Variants in SP140 observed in about 807,000 individuals in gnomAD.
The protein encoded by SP140 is SP140 nuclear body protein, also known as nuclear body protein SP140.
In SP140, 81 loss-of-function variants were observed where a neutral mutation model predicts 125.0. The observed-to-expected ratio is 0.65, with a 90% CI of 0.54 to 0.78. SP140 has a LOEUF of 0.78. SP140 is among the 30% of genes least tolerant of loss of function. SP140 has a pLI of 0.00. For missense variants in SP140, 858 were observed against 1,037.0 expected (o/e 0.83, Z 2.37); for synonymous variants, 312 against 354.0 (o/e 0.88, Z 1.33).
At chr2:230,212,667 G>A in intron 1 of SP140, 1 of 1,495,092 alleles carries the variant, frequency 6.7e-7, no homozygotes, top group Non-Finnish European at 9.3e-7. Flanking sequence ...GAAGAACTAG[G>A]ACAATAAAAG....
At chr2:230,283,104 G>A (rs193228809) in intron 15 of SP140, among the ~76,000 whole-genome samples, 1 of 152,302 alleles carries the variant, frequency 6.6e-6, no homozygotes, top group East Asian at 1.9e-4. Context: ...GCTGGGCCCA[G>A]CCCCTGCCAT....
the SP140 span, among the ~76,000 whole-genome samples, chr2:230,193,251 GT>G: frequency 6.6e-6 from 1 of 152,130 alleles, no homozygotes; most frequent in Admixed American, 6.5e-5. Context: ...GTCCTTGTGT[GT>G]TAAGTGAGTC....
intron 10 of SP140, among the ~76,000 whole-genome samples, chr2:230,251,372 C>T (rs1328599441): frequency 2.0e-5 from 3 of 152,100 alleles, no homozygotes; most frequent in African/African-American, 7.2e-5. Context: ...CCTATTAATA[C>T]TGAAGCATTA....
intron 5 of SP140, 94 bp downstream of exon 5, chr2:230,243,905 A>T: frequency 2.4e-6 from 2 of 826,148 alleles, no homozygotes; most frequent in Admixed American, 2.0e-5. Context: ...CTCTGAGTAC[A>T]TGCCACAGGC....
intron 21 of SP140, among the ~76,000 whole-genome samples, chr2:230,294,862 CA>C (rs894314964): frequency 2.6e-5 from 4 of 152,114 alleles, no homozygotes; most frequent in African/African-American, 9.7e-5. Flanking sequence ...TTTCACCTTC[CA>C]AAAAAATGTA....
chr2:230,269,770 C>T, intron 13 of SP140, 67 bp from the exon 14 acceptor site: 1 of 1,291,792 alleles, frequency 7.7e-7, no homozygotes, highest in Non-Finnish European at 1.1e-6. Context: ...GGGGGAGCAA[C>T]AAGGGTGCAG....
At chr2:230,293,615 C>T (rs940353054) in intron 20 of SP140, among the ~76,000 whole-genome samples, 2 of 151,850 alleles carry the variant, frequency 1.3e-5, no homozygotes, top group East Asian at 1.9e-4. Context: ...GGGTTACAGG[C>T]GACAGCCACC....
At chr2:230,273,945 C>T (rs2054324090) in intron 15 of SP140, among the ~76,000 whole-genome samples, 1 of 151,902 alleles carries the variant, frequency 6.6e-6, no homozygotes, top group South Asian at 2.1e-4. Flanking sequence ...TGAAGCCTAT[C>T]AGAAGGTTCA....
At chr2:230,224,288 G>A (rs1574840349), upstream of SP140, among the ~76,000 whole-genome samples, 1 of 152,180 alleles carries the variant, frequency 6.6e-6, no homozygotes, top group South Asian at 2.1e-4. Context: ...ACTGCCTAAG[G>A]GCAGAGAGAA....
At chr2:230,230,786 T>A (rs2047127201) in intron 1 of SP140, among the ~76,000 whole-genome samples, 1 of 152,210 alleles carries the variant, frequency 6.6e-6, no homozygotes, top group Admixed American at 6.5e-5. Context: ...TGTGGTTTGT[T>A]GTCTGTCATT....
intron 22 of SP140, among the ~76,000 whole-genome samples, chr2:230,309,623 G>A (rs546898465): frequency 1.1e-4 from 17 of 152,316 alleles, no homozygotes; most frequent in African/African-American, 3.6e-4. Flanking sequence ...GCAGAATAAG[G>A]AAATTATTCA....
At chr2:230,305,384 T>C (rs1367251454) in intron 22 of SP140, among the ~76,000 whole-genome samples, 1 of 152,248 alleles carries the variant, frequency 6.6e-6, no homozygotes, top group Non-Finnish European at 1.5e-5. Context: ...TACCATTTCA[T>C]CCAGCAATCC....
the SP140 span, among the ~76,000 whole-genome samples, chr2:230,196,750 C>T: frequency 6.7e-6 from 1 of 150,272 alleles, no homozygotes; most frequent in South Asian, 2.1e-4. Flanking sequence ...TGTCCATGTG[C>T]TCTCATTGTT....
chr2:230,225,886 C>A lies in SP140; in HGVS notation c.42C>A (p.Asp14Glu). Residue 14 changes from aspartate (D) to glutamate (E), a missense_variant, in exon 1 of 27, where the codon GAC becomes GAA. Physicochemically the swap from Asp to Glu is conservative, Grantham distance 45. Coordinates refer to ENST00000392045, the MANE Select transcript of SP140 (RefSeq NM_007237.5). ...AGCAGGGGCAGATGGCAAGTGGAGA[C>A]AGCAATCTCAACTTCAGGTGGGTCA... ...QGQQGQMASG[D>E]SNLNFRMVAE... is the part of the protein sequence containing the mutation. 6.2e-7 allele frequency: 1 copy of A among 1,613,854 alleles called. No homozygotes were observed. Among genetic ancestry groups the A allele is most frequent in the Non-Finnish European group, 8.5e-7 (1 of 1,179,756 alleles).
chr2:230,292,820 T>A (rs1376415868), intron 20 of SP140, 32 bp downstream of exon 20: 2 of 1,612,336 alleles, frequency 1.2e-6, no homozygotes, highest in Non-Finnish European at 1.7e-6. Context: ...AGGCCTGTGT[T>A]CCTTCTTGTT....
At position 230,259,055 on chromosome 2, in the gene SP140, T is replaced by C. The variant is rs1019432554; in HGVS notation, c.1240+3523T>C. On this transcript the variant is annotated intron_variant, in intron 12 of 26. Transcript: ENST00000392045. ...CTTTGATGTCTGTCACGTTTTGAAGTGATACCCCTAGAGCATGGCCTGTTT... is the reference window on the plus strand; with the variant it reads ...CTTTGATGTCTGTCACGTTTTGAAGCGATACCCCTAGAGCATGGCCTGTTT... 6.6e-5 allele frequency among the ~76,000 whole-genome samples: 10 copies of C among 152,350 alleles called. No individual in the cohort carries two copies. The East Asian group carries it at 1.7e-3, about 26-fold the overall frequency.
At chr2:230,201,486 A>C (rs1021967056), upstream of SP140, among the ~76,000 whole-genome samples, 6 of 152,240 alleles carry the variant, frequency 3.9e-5, no homozygotes, top group African/African-American at 1.2e-4. Context: ...TGTACCAAAA[A>C]AAATAAAAAT....
At chr2:230,220,660 C>A (rs897336431) in intron 3 of SP140, among the ~76,000 whole-genome samples, 6 of 152,058 alleles carry the variant, frequency 3.9e-5, no homozygotes, top group African/African-American at 1.4e-4. Flanking sequence ...CCTTCTCATG[C>A]CCCTTTTAAA....
chr2:230,314,462 A>G (rs1465696171), downstream of SP140, among the ~76,000 whole-genome samples: 1 of 152,232 alleles, frequency 6.6e-6, no homozygotes, highest in Non-Finnish European at 1.5e-5. Flanking sequence ...GTGAAACCAG[A>G]TACGTGAGAA....
Sources: allele counts gnomAD v4.1 joint callset (sites outside exome capture counted in the v4.1 genomes callset), GRCh38; gene constraint gnomAD v4.1.1; transcripts MANE v1.5; gene names NCBI Gene and HGNC (gene_info 2026-07-23, HGNC 2026-07-21).